EVL: variants seen among roughly 807,000 people sequenced by gnomAD.
EVL encodes the protein Enah/Vasp-like, also known as ena/VASP-like protein.
In EVL, 21 loss-of-function variants were observed where a neutral mutation model predicts 59.6. That is an observed-to-expected ratio of 0.35 (90% CI 0.25 to 0.51). The LOEUF (loss-of-function observed/expected upper bound fraction) is 0.51, where lower values mean the gene tolerates loss of function less well. Among genes scored for constraint, EVL ranks in the 20% least tolerant of loss-of-function variants. EVL has a pLI of 0.97. For synonymous variants in EVL, 198 were observed against 203.5 expected (o/e 0.97, Z 0.23); for missense variants, 462 against 546.6 (o/e 0.85, Z 1.54).
chr14:100,110,919 A>G (rs947256452), intron 3 of EVL, among the ~76,000 whole-genome samples: 1 of 152,098 alleles, frequency 6.6e-6, no homozygotes. Flanking sequence ...TTCATTCCCC[A>G]GCCTTGCCTC....
intron 1 of EVL, among the ~76,000 whole-genome samples, chr14:99,973,245 C>CA (rs2060747207): frequency 6.6e-6 from 1 of 152,078 alleles, no homozygotes; most frequent in Non-Finnish European, 1.5e-5. Flanking sequence ...ACATTCTTAC[C>CA]AAAAAATGTG....
intron 2 of EVL, among the ~76,000 whole-genome samples, chr14:100,091,645 C>G (rs1012895063): frequency 6.6e-6 from 1 of 152,148 alleles, no homozygotes; most frequent in African/African-American, 2.4e-5. Flanking sequence ...TTCTTATGCC[C>G]TTTATTAAGA....
intron 1 of EVL, chr14:100,019,508 G>A: frequency 1.7e-6 from 1 of 593,644 alleles, no homozygotes; most frequent in Non-Finnish European, 2.8e-6. Flanking sequence ...GAGGCTGCAG[G>A]CCCCTGTCTG....
chr14:100,072,259 C>T (rs371872348), intron 1 of EVL, among the ~76,000 whole-genome samples: 192 of 152,296 alleles, frequency 1.3e-3, no homozygotes, highest in African/African-American at 4.2e-3. Context: ...GAGTCTCCCT[C>T]TGTCGCTCAG....
At chr14:100,093,450 C>T (rs2062606693) in intron 2 of EVL, among the ~76,000 whole-genome samples, 1 of 152,144 alleles carries the variant, frequency 6.6e-6, no homozygotes, top group Non-Finnish European at 1.5e-5. Context: ...ACCCTCTGCT[C>T]ATTCCTTGTA....
At chr14:100,053,974 A>G (rs2140251425) in intron 1 of EVL, among the ~76,000 whole-genome samples, 1 of 151,756 alleles carries the variant, frequency 6.6e-6, no homozygotes, top group East Asian at 2.0e-4. Flanking sequence ...TTTATCACAA[A>G]AGGAAGTTCC....
intron 4 of EVL, among the ~76,000 whole-genome samples, chr14:100,124,960 G>A (rs532171320): frequency 5.3e-5 from 8 of 151,668 alleles, no homozygotes; most frequent in African/African-American, 1.5e-4. Context: ...GACCACGTAC[G>A]GACGGACACA....
chr14:100,079,413 T>C (rs1193371353), intron 1 of EVL, among the ~76,000 whole-genome samples: 1 of 152,214 alleles, frequency 6.6e-6, no homozygotes, highest in African/African-American at 2.4e-5. Flanking sequence ...GGACTGGCTT[T>C]ACCAAGGGGA....
chr14:100,032,600 C>T (rs866113436), intron 1 of EVL, among the ~76,000 whole-genome samples: 2 of 152,010 alleles, frequency 1.3e-5, no homozygotes, highest in South Asian at 2.1e-4. Context: ...TGGCTCCTTC[C>T]GCTCCAAAAA....
At chr14:100,106,845 G>T in intron 3 of EVL, 1 of 398,666 alleles carries the variant, frequency 2.5e-6, no homozygotes, top group East Asian at 3.6e-5. Context: ...CTGAGCCCCA[G>T]AGGGAGGAAG....
At chr14:100,000,137 T>G (rs1024062224) in intron 1 of EVL, among the ~76,000 whole-genome samples, 11 of 152,200 alleles carry the variant, frequency 7.2e-5, no homozygotes, top group Non-Finnish European at 1.3e-4. Flanking sequence ...TGAGGACACG[T>G]GTCCATCACA....
At chr14:100,050,973 C>T (rs893998486) in intron 1 of EVL, among the ~76,000 whole-genome samples, 1 of 149,212 alleles carries the variant, frequency 6.7e-6, no homozygotes, top group African/African-American at 2.5e-5. Flanking sequence ...GTCTCGAACT[C>T]CTGCCTCAAG....
At chr14:99,974,781 C>A (rs569952351) in intron 1 of EVL, 12 of 152,358 alleles carry the variant, frequency 7.9e-5, no homozygotes, top group African/African-American at 2.9e-4. Flanking sequence ...ATTTAACACC[C>A]AGACCGACAT....
At chr14:100,055,432 A>G (rs1231525800) in intron 1 of EVL, among the ~76,000 whole-genome samples, 1 of 152,154 alleles carries the variant, frequency 6.6e-6, no homozygotes, top group Non-Finnish European at 1.5e-5. Context: ...CCTAGGAGCA[A>G]ATTTTCTTTT....
At chr14:99,985,260 G>T (rs1304108545) in intron 1 of EVL, among the ~76,000 whole-genome samples, 1 of 151,964 alleles carries the variant, frequency 6.6e-6, no homozygotes, top group Non-Finnish European at 1.5e-5. Flanking sequence ...TGAGATGGCA[G>T]TGTCAGAAAA....
At chr14:100,050,254 CAT>C (rs1491119277) in intron 1 of EVL, among the ~76,000 whole-genome samples, 1 of 152,170 alleles carries the variant, frequency 6.6e-6, no homozygotes, top group Non-Finnish European at 1.5e-5. Flanking sequence ...TGTCTTTAAA[CAT>C]ATATAACTTT....
chr14:100,137,894 C>A, intron 11 of EVL, 92 bp downstream of exon 11: 1 of 1,294,110 alleles, frequency 7.7e-7, no homozygotes, highest in Non-Finnish European at 1.1e-6. Flanking sequence ...CGCTGTCTCA[C>A]GTCCTGGCAT....
chr14:100,141,633 G>A (rs1365327595), intron 12 of EVL, 103 bp from the exon 13 acceptor site: 4 of 1,061,718 alleles, frequency 3.8e-6, no homozygotes, highest in Non-Finnish European at 4.1e-6. Flanking sequence ...TGCAACTCTG[G>A]AGAGGCCCAG....
At chr14:100,107,673 A>T in intron 3 of EVL, 3 of 153,700 alleles carry the variant, frequency 2.0e-5, no homozygotes, top group Non-Finnish European at 2.7e-5. Context: ...GTTTCTTCGC[A>T]TTTGGTTCTC....
Sources: allele counts gnomAD v4.1 joint callset (sites outside exome capture counted in the v4.1 genomes callset), GRCh38; gene constraint gnomAD v4.1.1; transcripts MANE v1.5; gene names NCBI Gene and HGNC (gene_info 2026-07-23, HGNC 2026-07-21).